Variants in RWDD4 observed in about 807,000 individuals in gnomAD.
RWDD4 encodes the protein RWD domain-containing protein 4.
In RWDD4, 16 loss-of-function variants were observed where a neutral mutation model predicts 30.0. The ratio of observed to expected loss-of-function variants is 0.53; its 90% CI spans 0.36 to 0.81. The LOEUF is 0.81. Among genes scored for constraint, RWDD4 ranks in the 30% least tolerant of loss-of-function variants. The pLI is 0.00. For synonymous variants in RWDD4, 45 were observed against 72.1 expected, an observed-to-expected ratio of 0.62 and a Z score of 1.90; for missense variants, 170 against 223.9, an observed-to-expected ratio of 0.76 and a Z score of 1.54.
Position 183,651,072 on chromosome 4 carries a change from A to G in RWDD4, c.275T>C (p.Leu92Pro). The G allele has an allele frequency of 6.2e-7, 1 of 1,614,064 alleles. No individual in the cohort carries two copies. Among genetic ancestry groups the G allele is most frequent in the Non-Finnish European group, 8.5e-7 (1 of 1,180,002 alleles). ...CAATGTATAGGTCATAGCGGTTCCA[A>G]GATTAGCTTCTACTGCTTCCTGTAG... Reference protein sequence around the residue: ...AKLQEAVEANLGTAMTYTLFE... With the variant: ...AKLQEAVEANPGTAMTYTLFE... The change falls in exon 4 of 8, where the codon CTT (leucine) becomes CCT (proline). Residue 92 changes from leucine to proline, a missense_variant. By Grantham distance (98) the Leu-to-Pro change is moderately conservative. Coordinates refer to ENST00000326397, the MANE Select transcript of RWDD4 (RefSeq NM_152682.4).
intron 4 of RWDD4, among the ~76,000 whole-genome samples, chr4:183,649,805 AG>A (rs1205069541): frequency 6.6e-6 from 1 of 152,256 alleles, no homozygotes; most frequent in Non-Finnish European, 1.5e-5. Flanking sequence ...AATCCTGGGA[AG>A]GAAGATCTGA....
intron 1 of RWDD4, among the ~76,000 whole-genome samples, chr4:183,657,919 C>T (rs1176068233): frequency 1.3e-5 from 2 of 152,182 alleles, no homozygotes; most frequent in Non-Finnish European, 1.5e-5. Context: ...GTGGAGTGCA[C>T]GCATCTGTTT....
In RWDD4 at chr4:183,641,143, A is replaced by C; in HGVS notation, c.*293T>G. ...ACATCCACCAGGATAAGATCATTTA[A>C]ATTAACACTGATTCTTATTCCCCAT... On this transcript the variant is annotated 3_prime_UTR_variant, in exon 8 of 8. Coordinates refer to ENST00000326397, the MANE Select transcript of RWDD4 (RefSeq NM_152682.4). 6 of 418,692 alleles carry C rather than the reference A, an allele frequency of 1.4e-5. No homozygotes were observed. The South Asian group carries it at 1.7e-4, about 12-fold the overall frequency. The allele number at this position is 418,692 out of a possible 1,614,324, so 25.9% of individuals were successfully genotyped here. A position where few individuals can be genotyped will look rare whatever the true frequency, so the allele number is the denominator to read the frequency against.
At chr4:183,658,802 G>T in intron 1 of RWDD4, 127 bp downstream of exon 1, 1 of 828,020 alleles carries the variant, frequency 1.2e-6, no homozygotes, top group Non-Finnish European at 1.6e-6. Context: ...TGAACTCGGG[G>T]CACCCCGGCC....
intron 7 of RWDD4, among the ~76,000 whole-genome samples, chr4:183,644,559 G>A (rs1005601604): frequency 1.3e-5 from 2 of 152,136 alleles, no homozygotes; most frequent in Non-Finnish European, 2.9e-5. Context: ...AGGGGGGATC[G>A]CTTGAGGCCA....
intron 7 of RWDD4, among the ~76,000 whole-genome samples, chr4:183,643,546 C>T (rs1733911425): frequency 6.6e-6 from 1 of 150,742 alleles, no homozygotes; most frequent in African/African-American, 2.4e-5. Flanking sequence ...GGGTCCAAAG[C>T]CCACAGCTGG....
intron 5 of RWDD4, among the ~76,000 whole-genome samples, chr4:183,648,381 G>A (rs1239024555): frequency 2.6e-5 from 4 of 152,142 alleles, no homozygotes; most frequent in South Asian, 2.1e-4. Flanking sequence ...CACAAATGAC[G>A]TCCTCATTTT....
Position 183,646,499 on chromosome 4 carries a change from C to T in RWDD4, c.520G>A (p.Asp174Asn). 2 of 1,612,466 alleles carry T rather than the reference C, an allele frequency of 1.2e-6. No individual in the cohort carries two copies. Among genetic ancestry groups the T allele is most frequent in the Non-Finnish European group, 1.7e-6 (2 of 1,179,608 alleles). The change falls in exon 6 of 8, where the codon GAT becomes AAT. Residue 174 changes from aspartate to asparagine, a missense_variant. Transcript: ENST00000326397. ...TAAATGTTATATACCTTCACAACAT[C>T]AACCCAGTTCCAGCCTCGAGGAAGT... ...GELPRGWNWVDVVKHLSKTGS... is the reference protein window; with the variant it reads ...GELPRGWNWVNVVKHLSKTGS...
intron 2 of RWDD4, among the ~76,000 whole-genome samples, chr4:183,652,104 A>G (rs1734088579): frequency 6.6e-6 from 1 of 152,218 alleles, no homozygotes; most frequent in Non-Finnish European, 1.5e-5. Context: ...ATATGTGAGT[A>G]AAGTATCTTA....
At chr4:183,647,559 CA>C (rs1486029810) in intron 5 of RWDD4, among the ~76,000 whole-genome samples, 1 of 152,118 alleles carries the variant, frequency 6.6e-6, no homozygotes, top group Admixed American at 6.5e-5. Context: ...CGTATACTGT[CA>C]TTATGGGAAG....
chr4:183,658,741 G>A (rs1734281073), intron 1 of RWDD4, among the ~76,000 whole-genome samples, 188 bp downstream of exon 1: 1 of 152,360 alleles, frequency 6.6e-6, no homozygotes, highest in Non-Finnish European at 1.5e-5. Flanking sequence ...GGGGGGAAGA[G>A]TGGCAGAGGC....
At position 183,657,698 on chromosome 4, in the gene RWDD4, A is replaced by G. The variant is rs990401586; in HGVS notation, c.24+1231T>C. 8.5e-5 allele frequency among the ~76,000 whole-genome samples: 13 copies of G among 152,252 alleles called. 1 individual carries two copies. ...AAAAAATTAAAATCTGTCCACAAACACGTGATTCCAGGATAGTGAAGAGAT... is the reference window on the plus strand; with the variant it reads ...AAAAAATTAAAATCTGTCCACAAACGCGTGATTCCAGGATAGTGAAGAGAT... On this transcript the variant is annotated intron_variant, in intron 1 of 7. Transcript: ENST00000326397.
chr4:183,649,211 C>T (rs1002796619), intron 5 of RWDD4, among the ~76,000 whole-genome samples: 6 of 152,024 alleles, frequency 3.9e-5, no homozygotes, highest in Non-Finnish European at 5.9e-5. Flanking sequence ...GTCAGGAGTT[C>T]GAGACCAGCC....
intron 7 of RWDD4, among the ~76,000 whole-genome samples, chr4:183,643,444 A>AAAAAAAAAAAG (rs1733908250): frequency 7.2e-6 from 1 of 138,870 alleles, no homozygotes; most frequent in Non-Finnish European, 1.6e-5. Flanking sequence ...AAAAAAAAAA[A>AAAAAAAAAAAG]AAAGCATTTA....
At chr4:183,649,754 C>A (rs927791548) in intron 4 of RWDD4, among the ~76,000 whole-genome samples, 186 bp from the exon 5 acceptor site, 2 of 152,116 alleles carry the variant, frequency 1.3e-5, no homozygotes, top group Admixed American at 6.5e-5. Context: ...TTTAAAAGTT[C>A]AGATCAAAGG....
chr4:183,651,798 A>G (rs6832981), intron 2 of RWDD4, among the ~76,000 whole-genome samples: 52,547 of 152,070 alleles, frequency 0.35, 9,721 homozygotes, highest in South Asian at 0.58. Context: ...CTGAGAGAAA[A>G]AAGGAAAAGG....
In RWDD4 at chr4:183,646,687, C is replaced by T. The variant is rs762378381; in HGVS notation, c.482-150G>A. The T allele has an allele frequency of 3.9e-5, 25 of 636,360 alleles. No individual in the cohort carries two copies. In the East Asian group the frequency reaches 5.1e-4, roughly 13 times the overall value. 39.4% of individuals were successfully genotyped at this position (636,360 alleles called of 1,614,324 possible). A position where few individuals can be genotyped will look rare whatever the true frequency, so the allele number is the denominator to read the frequency against. On this transcript the variant is annotated intron_variant, in intron 5 of 7. Coordinates refer to ENST00000326397, the MANE Select transcript of RWDD4 (RefSeq NM_152682.4). ...GGAAAAAGAGTTTATCATTATGAAT[C>T]GATACTGTTCTCCTAGGAATACTTG... is the stretch of plus-strand genomic sequence containing the variant.
At chr4:183,658,822 G>T in intron 1 of RWDD4, 107 bp downstream of exon 1, 5 of 1,042,958 alleles carry the variant, frequency 4.8e-6, no homozygotes, top group Non-Finnish European at 6.1e-6. Flanking sequence ...CGGCTCCGAG[G>T]GCACAGGGCA....
In RWDD4 at chr4:183,641,479, AAG is replaced by A. The variant is rs1220851609; in HGVS notation, c.535-13_535-12del. The A allele has an allele frequency of 3.7e-6, 6 of 1,601,396 alleles. No individual in the cohort carries two copies. The highest frequency in any genetic ancestry group is 1.3e-5 in the African/African-American group (1 of 74,512). ...GCCAGTTTTGCTTAACTATAAAAAAAAGAGAGAAAATAGTCAACAAGTGGTAT... is the reference window on the plus strand; with the variant it reads ...GCCAGTTTTGCTTAACTATAAAAAAAAGAGAAAATAGTCAACAAGTGGTAT... On this transcript the variant is annotated splice_polypyrimidine_tract_variant and intron_variant, in intron 7 of 7. Transcript: ENST00000326397.
Sources: gnomAD v4.1 joint callset for allele counts (sites outside exome capture counted in the v4.1 genomes callset) on GRCh38, gnomAD v4.1.1 for gene constraint, MANE v1.5 for transcripts, NCBI Gene and HGNC (gene_info 2026-07-23, HGNC 2026-07-21) for gene names.